The following UNC13C variants were observed in gnomAD, a reference collection of about 807,000 sequenced individuals.
UNC13C encodes the protein protein unc-13 homolog C.
In UNC13C, 174 loss-of-function variants were observed where a neutral mutation model predicts 245.4. That is an observed-to-expected ratio of 0.71 (90% CI 0.63 to 0.80). The LOEUF is 0.80. Ranked by LOEUF, UNC13C falls within the 30% of genes least tolerant of loss-of-function variation. The probability of loss-of-function intolerance (pLI) is 0.00; values close to 1 mark genes in which losing one functional copy is unlikely to be tolerated. For synonymous variants in UNC13C, 992 were observed against 895.1 expected (o/e 1.11, Z -1.93); for missense variants, 2,829 against 2,602.9 (o/e 1.09, Z -1.89).
At chr15:53,998,180 C>T (rs1247687259) in intron 1 of UNC13C, among the ~76,000 whole-genome samples, 1 of 152,060 alleles carries the variant, frequency 6.6e-6, no homozygotes, top group African/African-American at 2.4e-5. Context: ...CATTTTATTT[C>T]CAAATTCTCA....
At chr15:54,398,210 A>G (rs2040110649) in intron 18 of UNC13C, among the ~76,000 whole-genome samples, 1 of 151,404 alleles carries the variant, frequency 6.6e-6, no homozygotes, top group Admixed American at 6.6e-5. Flanking sequence ...TAATAGGGTA[A>G]TCACATAATT....
chr15:54,357,852 ATG>A (rs550565056), intron 17 of UNC13C, among the ~76,000 whole-genome samples: 100 of 151,858 alleles, frequency 6.6e-4, no homozygotes, highest in African/African-American at 2.2e-3. Flanking sequence ...ACACACATAT[ATG>A]TGTGTGTGTA....
intron 4 of UNC13C, among the ~76,000 whole-genome samples, chr15:54,212,830 A>G (rs1369633494): frequency 6.6e-6 from 1 of 152,080 alleles, no homozygotes; most frequent in Non-Finnish European, 1.5e-5. Context: ...CTGTTTTGGA[A>G]AGCTCAATTT....
chr15:53,956,411 C>A, the UNC13C span, among the ~76,000 whole-genome samples: 1 of 151,802 alleles, frequency 6.6e-6, no homozygotes, highest in Non-Finnish European at 1.5e-5. Context: ...AATGCCTCCA[C>A]CGGTGCCAGC....
intron 7 of UNC13C, among the ~76,000 whole-genome samples, chr15:54,243,763 A>G (rs2035921515): frequency 2.6e-5 from 4 of 152,132 alleles, no homozygotes; most frequent in Admixed American, 2.0e-4. Context: ...TTTTGACTGC[A>G]TGAATGTCTT....
At chr15:54,100,814 C>T (rs980429902) in intron 2 of UNC13C, among the ~76,000 whole-genome samples, 1 of 152,066 alleles carries the variant, frequency 6.6e-6, no homozygotes, top group African/African-American at 2.4e-5. Context: ...CTTTTGGTGA[C>T]TGACCACATG....
chr15:54,027,430 A>T (rs1032695519), intron 2 of UNC13C, among the ~76,000 whole-genome samples: 92 of 152,016 alleles, frequency 6.1e-4, no homozygotes, highest in African/African-American at 2.1e-3. Context: ...GTGCAGTGGC[A>T]GGATCTCGGC....
At chr15:54,457,891 C>T (rs1184942343) in intron 19 of UNC13C, among the ~76,000 whole-genome samples, 38 of 76,414 alleles carry the variant, frequency 5.0e-4, no homozygotes, top group African/African-American at 1.7e-3. Context: ...CTCTGCTTTT[C>T]GTTTTTTTTT....
the UNC13C span, among the ~76,000 whole-genome samples, chr15:53,861,534 T>C: frequency 2.0e-5 from 3 of 152,186 alleles, no homozygotes; most frequent in East Asian, 1.9e-4. Context: ...AGAAGCAGTA[T>C]ATGGTGCTTG....
At chr15:53,971,062 G>A in the UNC13C span, among the ~76,000 whole-genome samples, 1 of 152,120 alleles carries the variant, frequency 6.6e-6, no homozygotes, top group African/African-American at 2.4e-5. Flanking sequence ...TCTAATGGGT[G>A]TGAAGTAATA....
At chr15:54,402,684 A>G (rs2040211335) in intron 18 of UNC13C, among the ~76,000 whole-genome samples, 1 of 152,156 alleles carries the variant, frequency 6.6e-6, no homozygotes, top group Non-Finnish European at 1.5e-5. Context: ...TCATCCCCAA[A>G]CTGCAGATGA....
intron 19 of UNC13C, among the ~76,000 whole-genome samples, chr15:54,452,687 G>A (rs1891246223): frequency 6.6e-6 from 1 of 152,220 alleles, no homozygotes; most frequent in Admixed American, 6.5e-5. Flanking sequence ...GACCCCAGCA[G>A]CATGCTTTTG....
At chr15:54,095,719 A>G (rs1029799302) in intron 2 of UNC13C, among the ~76,000 whole-genome samples, 1 of 152,236 alleles carries the variant, frequency 6.6e-6, no homozygotes. Context: ...CGAAACAGAA[A>G]TAAGAAGTAA....
intron 17 of UNC13C, among the ~76,000 whole-genome samples, chr15:54,374,244 GC>G (rs2039556358): frequency 6.6e-6 from 1 of 152,166 alleles, no homozygotes; most frequent in Admixed American, 6.5e-5. Flanking sequence ...TGGCAGCCCA[GC>G]CCCCAGCTTC....
At chr15:54,573,017 C>T (rs1362676322) in intron 30 of UNC13C, among the ~76,000 whole-genome samples, 1 of 151,990 alleles carries the variant, frequency 6.6e-6, no homozygotes, top group Non-Finnish European at 1.5e-5. Flanking sequence ...AAGGAAAAAG[C>T]CAATAACTTA....
intron 2 of UNC13C, among the ~76,000 whole-genome samples, chr15:54,046,900 T>TA (rs200011537): frequency 1.3e-4 from 20 of 151,058 alleles, no homozygotes; most frequent in South Asian, 2.1e-4. Context: ...AGATTTCTAT[T>TA]AAAAAAAAAC....
rs369577719 is a variant in UNC13C, at chr15:54,151,790, C to G, written c.3071+8106C>G. 4.6e-5 allele frequency among the ~76,000 whole-genome samples: 7 copies of G among 152,314 alleles called. No individual in the cohort carries two copies. The East Asian group carries it at 1.4e-3, about 29-fold the overall frequency. ...AAGGAAATCAGAGCTGCCATCAACT[C>G]TGACAACTTTCCTTTAGCCAGTTCC... On this transcript the variant is annotated intron_variant, in intron 4 of 32. Transcript: ENST00000260323.
chr15:54,447,968 G>A (rs893583550), intron 19 of UNC13C, among the ~76,000 whole-genome samples: 2 of 152,160 alleles, frequency 1.3e-5, no homozygotes, highest in Admixed American at 1.3e-4. Context: ...ATTCTGGTAT[G>A]TTGTGTCTTT....
intron 27 of UNC13C, 92 bp from the exon 28 acceptor site, chr15:54,549,543 A>G: frequency 6.1e-6 from 6 of 988,134 alleles, no homozygotes; most frequent in Non-Finnish European, 9.1e-6. Flanking sequence ...TTATAAGGGA[A>G]ATAAAGAAAT....
Sources: allele counts gnomAD v4.1 joint callset (sites outside exome capture counted in the v4.1 genomes callset), GRCh38; gene constraint gnomAD v4.1.1; transcripts MANE v1.5; gene names NCBI Gene and HGNC (gene_info 2026-07-23, HGNC 2026-07-21).